The following COL5A2 variants were observed in gnomAD, a reference collection of about 807,000 sequenced individuals.
The protein encoded by COL5A2 is collagen alpha-2(V) chain.
In COL5A2, 23 loss-of-function variants were observed where a neutral mutation model predicts 208.2. The ratio of observed to expected loss-of-function variants is 0.11; its 90% CI spans 0.08 to 0.16. COL5A2 has a LOEUF of 0.16. COL5A2 is among the 10% of genes least tolerant of loss of function. The pLI is 1.00. For synonymous variants in COL5A2, 625 were observed against 628.5 expected, an observed-to-expected ratio of 0.99 and a Z score of 0.08; for missense variants, 1,590 against 1,956.4, an observed-to-expected ratio of 0.81 and a Z score of 3.53.
intron 16 of COL5A2, among the ~76,000 whole-genome samples, chr2:189,077,268 A>G (rs1472048557): frequency 6.6e-6 from 1 of 152,146 alleles, no homozygotes; most frequent in Non-Finnish European, 1.5e-5. Context: ...GATTTTTTAA[A>G]AAGATATCAT....
intron 8 of COL5A2, among the ~76,000 whole-genome samples, chr2:189,087,538 A>C (rs541630391): frequency 1.3e-5 from 2 of 151,814 alleles, no homozygotes; most frequent in Non-Finnish European, 2.9e-5. Context: ...ACCTGGGCTC[A>C]CTGCAAGCTC....
intron 1 of COL5A2, among the ~76,000 whole-genome samples, chr2:189,177,549 T>C (rs1380150714): frequency 6.6e-6 from 1 of 152,236 alleles, no homozygotes; most frequent in East Asian, 1.9e-4. Flanking sequence ...TCACTTATAT[T>C]CTCTTAAGTT....
At chr2:189,439,802 C>A in the COL5A2 span, among the ~76,000 whole-genome samples, 2 of 152,168 alleles carry the variant, frequency 1.3e-5, no homozygotes, top group African/African-American at 4.8e-5. Flanking sequence ...TCTAAAGTTA[C>A]CATACAGTAA....
intron 1 of COL5A2, among the ~76,000 whole-genome samples, chr2:189,116,787 T>C (rs1045077324): frequency 6.6e-6 from 1 of 152,206 alleles, no homozygotes; most frequent in African/African-American, 2.4e-5. Flanking sequence ...TCAATAATTA[T>C]TTGAGCTGAG....
chr2:189,067,302 T>C (rs1056261878), intron 21 of COL5A2, among the ~76,000 whole-genome samples: 1 of 152,182 alleles, frequency 6.6e-6, no homozygotes, highest in Non-Finnish European at 1.5e-5. Flanking sequence ...AAATTTAAGT[T>C]GTAAGAACTG....
At chr2:189,359,037 C>T in the COL5A2 span, among the ~76,000 whole-genome samples, 1 of 152,068 alleles carries the variant, frequency 6.6e-6, no homozygotes, top group Non-Finnish European at 1.5e-5. Context: ...TTTAACTTCT[C>T]CTTTCCCAAT....
intron 1 of COL5A2, among the ~76,000 whole-genome samples, chr2:189,147,054 C>CA (rs1295840069): frequency 6.6e-6 from 1 of 152,090 alleles, no homozygotes; most frequent in Admixed American, 6.6e-5. Context: ...TTCCGGAATC[C>CA]AAAGAAATCC....
At chr2:189,337,222 G>A in the COL5A2 span, among the ~76,000 whole-genome samples, 1 of 138,632 alleles carries the variant, frequency 7.2e-6, no homozygotes, top group African/African-American at 2.7e-5. Flanking sequence ...TCGCTCTGTC[G>A]CCCAGGCTGG....
chr2:189,310,437 G>T, the COL5A2 span, among the ~76,000 whole-genome samples: 1 of 152,306 alleles, frequency 6.6e-6, no homozygotes, highest in South Asian at 2.1e-4. Context: ...TGCTGAAGAA[G>T]ATGTGTAGAA....
the COL5A2 span, among the ~76,000 whole-genome samples, chr2:189,239,789 TA>T: frequency 2.0e-5 from 3 of 151,038 alleles, no homozygotes; most frequent in Non-Finnish European, 1.5e-5. Flanking sequence ...ATAAAATAAA[TA>T]AAAAAATAAA....
At chr2:189,077,520 G>A (rs1442229432) in intron 16 of COL5A2, among the ~76,000 whole-genome samples, 1 of 152,190 alleles carries the variant, frequency 6.6e-6, no homozygotes, top group African/African-American at 2.4e-5. Context: ...CAATGCTGGG[G>A]CAGAAATGTC....
intron 34 of COL5A2, 54 bp from the exon 35 acceptor site, chr2:189,057,080 T>C (rs1183311249): frequency 5.1e-6 from 8 of 1,573,166 alleles, no homozygotes; most frequent in Non-Finnish European, 6.1e-6. Context: ...TTTCCCACAC[T>C]TGTGTGTAAG....
intron 1 of COL5A2, among the ~76,000 whole-genome samples, chr2:189,164,713 T>A (rs1688434074): frequency 6.6e-6 from 1 of 152,192 alleles, no homozygotes; most frequent in Admixed American, 6.5e-5. Flanking sequence ...TGACTAAGAA[T>A]TTCTACAGAA....
chr2:189,052,431 C>A (rs1001324740), intron 40 of COL5A2, among the ~76,000 whole-genome samples: 1 of 151,926 alleles, frequency 6.6e-6, no homozygotes, highest in African/African-American at 2.4e-5. Context: ...TTCCTTTTTC[C>A]ATGCAGGTAG....
chr2:189,076,140 A>T (rs1293966267), intron 16 of COL5A2, among the ~76,000 whole-genome samples: 2 of 152,144 alleles, frequency 1.3e-5, no homozygotes, highest in Non-Finnish European at 2.9e-5. Context: ...CCCTGCTTTT[A>T]TTCATTCCTT....
chr2:189,330,511 A>C, the COL5A2 span, among the ~76,000 whole-genome samples: 2 of 152,222 alleles, frequency 1.3e-5, no homozygotes, highest in Non-Finnish European at 2.9e-5. Flanking sequence ...AGATGTGGAA[A>C]GTTAGGGGCA....
the COL5A2 span, among the ~76,000 whole-genome samples, chr2:189,282,073 C>T: frequency 6.6e-6 from 1 of 152,078 alleles, no homozygotes; most frequent in Middle Eastern, 3.4e-3. Flanking sequence ...TAATCCCAGC[C>T]ACTCCGGAGG....
At chr2:189,089,765 T>C (rs59777852) in intron 7 of COL5A2, among the ~76,000 whole-genome samples, 12,109 of 152,196 alleles carry the variant, frequency 0.08, 603 homozygotes, top group South Asian at 0.16. Context: ...ATGATCTGTG[T>C]TCAGTGATCT....
the COL5A2 span, among the ~76,000 whole-genome samples, chr2:189,364,257 T>C: frequency 2.0e-5 from 3 of 152,246 alleles, no homozygotes; most frequent in Non-Finnish European, 4.4e-5. Context: ...CTTGTGATAC[T>C]ATGTGTTCTC....
Sources: gnomAD v4.1 joint callset for allele counts (sites outside exome capture counted in the v4.1 genomes callset) on GRCh38, gnomAD v4.1.1 for gene constraint, MANE v1.5 for transcripts, NCBI Gene and HGNC (gene_info 2026-07-23, HGNC 2026-07-21) for gene names.